TTC21A: variants seen among roughly 807,000 people sequenced by gnomAD.
TTC21A encodes the protein tetratricopeptide repeat protein 21A.
In TTC21A, 128 loss-of-function variants were observed where a neutral mutation model predicts 156.4. That is an observed-to-expected ratio of 0.82 (90% CI 0.71 to 0.95). The LOEUF is 0.95. Among genes scored for constraint, TTC21A ranks in the 40% least tolerant of loss-of-function variants. The probability of loss-of-function intolerance (pLI) is 0.00; values close to 1 mark genes in which losing one functional copy is unlikely to be tolerated. For synonymous variants in TTC21A, 587 were observed against 617.1 expected (o/e 0.95, Z 0.72); for missense variants, 1,435 against 1,602.3 (o/e 0.90, Z 1.78).
intron 12 of TTC21A, 85 bp downstream of exon 12, chr3:39,126,475 T>TACACACACACAC (rs59925253): frequency 6.0e-5 from 31 of 520,470 alleles, no homozygotes; most frequent in African/African-American, 3.4e-4. Flanking sequence ...CCTAGGATAC[T>TACACACACACAC]ACACACACAC....
chr3:39,136,207 C>G (rs901710952), intron 22 of TTC21A, 150 bp from the exon 23 acceptor site: 24 of 704,872 alleles, frequency 3.4e-5, no homozygotes, highest in Non-Finnish European at 5.7e-5. Context: ...TTACTCAACC[C>G]TGGAGACCAG....
At chr3:39,135,607 C>A (rs979485334) in intron 22 of TTC21A, among the ~76,000 whole-genome samples, 1 of 152,198 alleles carries the variant, frequency 6.6e-6, no homozygotes, top group Non-Finnish European at 1.5e-5. Flanking sequence ...GGCAGTGTGC[C>A]CATAGGCCCA....
At position 39,136,649 on chromosome 3, in the gene TTC21A, C is replaced by T; in HGVS notation, c.3095+142C>T. On this transcript the variant is annotated intron_variant, in intron 23 of 28. Coordinates refer to ENST00000683103, the MANE Select transcript of TTC21A (RefSeq NM_001366900.1). ...CCCAGCAAGTGAGGGCCCATGGGGG[C>T]AGGGGTGGAACCCTGTGGAAGTCAG... The T allele has an allele frequency of 4.3e-6, 5 of 1,157,534 alleles. No individual in the cohort carries two copies. The South Asian group carries it at 7.7e-5, about 18-fold the overall frequency. The allele number at this position is 1,157,534 out of a possible 1,614,324, so 71.7% of individuals were successfully genotyped here.
rs1448093977 is a variant in TTC21A, at chr3:39,137,557, T to C, written c.3522T>C (p.Arg1174=). The C allele has an allele frequency of 1.2e-6, 2 of 1,614,076 alleles. No individual in the cohort carries two copies. Among genetic ancestry groups the C allele is most frequent in the East Asian group, 2.2e-5 (1 of 44,892 alleles). ...TCCTGAAGCAGATCCCCAAGGCGCG[T>C]ATGCAGTTGAAGCGCCTGGCCAAGA... The part of the protein sequence containing the change: ...YVFLKQIPKA[R]MQLKRLAKTP... The change falls in exon 26 of 29, where the codon CGT becomes CGC. Residue 1174 remains arginine (R), a synonymous_variant. Coordinates refer to ENST00000683103, the MANE Select transcript of TTC21A (RefSeq NM_001366900.1).
chr3:39,136,581 T>G (rs1044170908), intron 23 of TTC21A, 74 bp downstream of exon 23: 8 of 1,538,366 alleles, frequency 5.2e-6, no homozygotes, highest in African/African-American at 2.8e-5. Flanking sequence ...AGGCCCTTGC[T>G]CTGCACAAAA....
At chr3:39,124,613 C>T (rs1009818913) in intron 9 of TTC21A, among the ~76,000 whole-genome samples, 1 of 136,752 alleles carries the variant, frequency 7.3e-6, no homozygotes, top group Non-Finnish European at 1.5e-5. Flanking sequence ...GAGCCAAGAT[C>T]GTGCCACTTC....
intron 21 of TTC21A, 85 bp from the exon 22 acceptor site, chr3:39,135,008 A>T: frequency 1.7e-6 from 2 of 1,164,472 alleles, no homozygotes; most frequent in South Asian, 2.5e-5. Context: ...TCTTACCACC[A>T]TCACCCCCAT....
In TTC21A at chr3:39,123,201, T is replaced by G. The variant is rs1241037887; in HGVS notation, c.1094-1862T>G. Reference sequence around the variant, plus strand: ...AGTTGCCAAAAATAAAAAATATTATTGTAAGGTAAAAAATTTCATAAATGG... The same window carrying G: ...AGTTGCCAAAAATAAAAAATATTATGGTAAGGTAAAAAATTTCATAAATGG... On this transcript the variant is annotated intron_variant, in intron 9 of 28. Transcript: ENST00000683103. Among the ~76,000 whole-genome samples the G allele has an allele frequency of 2.0e-5, 3 of 152,236 alleles. No homozygotes were observed. The South Asian group carries it at 6.2e-4, about 32-fold the overall frequency.
chr3:39,130,636 A>T lies in TTC21A; in HGVS notation c.2320-65A>T. 1 of 1,590,982 alleles carries T rather than the reference A, an allele frequency of 6.3e-7. No homozygotes were observed. Among genetic ancestry groups the T allele is most frequent in the Admixed American group, 1.7e-5 (1 of 58,640 alleles). Reference sequence around the variant, plus strand: ...CACTGGTGTGATGGCTGCTGAGGGGAACATGGTGTCGGGCACTGAAGGGCA... The same window carrying T: ...CACTGGTGTGATGGCTGCTGAGGGGTACATGGTGTCGGGCACTGAAGGGCA... On this transcript the variant is annotated intron_variant, in intron 17 of 28. Transcript: ENST00000683103. This position sits in a 1 kb window ranked among gnomAD's most constrained non-coding sequence, Gnocchi z 4.5.
chr3:39,119,768 A>G, intron 7 of TTC21A, 154 bp from the exon 8 acceptor site: 2 of 619,972 alleles, frequency 3.2e-6, no homozygotes, highest in South Asian at 4.1e-5. Context: ...GACCACTCCA[A>G]TTCACTTAAA....
chr3:39,138,523 T>C (rs762726561), intron 27 of TTC21A, 33 bp from the exon 28 acceptor site: 2 of 1,614,064 alleles, frequency 1.2e-6, no homozygotes, highest in Admixed American at 3.3e-5. Context: ...GTCACCAGGG[T>C]GCCACCATCT....
At position 39,134,382 on chromosome 3, in the gene TTC21A, C is replaced by T. The variant is rs1225416182; in HGVS notation, c.2862+54C>T. 1 of 1,287,678 alleles carries T rather than the reference C, an allele frequency of 7.8e-7. No homozygotes were observed. The highest frequency in any genetic ancestry group is 1.7e-5 in the Admixed American group (1 of 59,600). The allele number at this position is 1,287,678 out of a possible 1,614,324, so 79.8% of individuals were successfully genotyped here. ...CCCTCCCTTCCTCCCTTCCCAGGGTCCCTGTGACCAGATGCAGGCTACTTC... is the reference window on the plus strand; with the variant it reads ...CCCTCCCTTCCTCCCTTCCCAGGGTTCCTGTGACCAGATGCAGGCTACTTC... On this transcript the variant is annotated intron_variant, in intron 21 of 28. Transcript: ENST00000683103. This position sits in a 1 kb window ranked among gnomAD's most constrained non-coding sequence, Gnocchi z 4.6.
Position 39,128,902 on chromosome 3 carries a change from G to T in TTC21A, c.1866G>T (p.Leu622=). The change falls in exon 14 of 29, where the codon CTG becomes CTT. Residue 622 remains leucine, a synonymous_variant. Coordinates refer to ENST00000683103, the MANE Select transcript of TTC21A (RefSeq NM_001366900.1). ...AGCGGGCATCCATCTTATTGGAACTGGTGGAGGCCCTCCGGCTGAATGGGG... is the reference window on the plus strand; with the variant it reads ...AGCGGGCATCCATCTTATTGGAACTTGTGGAGGCCCTCCGGCTGAATGGGG... ...PSQRASILLE[L]VEALRLNGEL... The T allele has an allele frequency of 6.2e-7, 1 of 1,614,198 alleles. No individual in the cohort carries two copies. The highest frequency in any genetic ancestry group is 8.5e-7 in the Non-Finnish European group (1 of 1,180,030).
At position 39,138,726 on chromosome 3, in the gene TTC21A, C is replaced by T. The variant is rs771839510; in HGVS notation, c.3880C>T (p.Pro1294Ser). ...EICNDVLREHPDYPKIREEIL... is the reference protein window; with the variant it reads ...EICNDVLREHSDYPKIREEIL... ...TCTGTTCCAGGTCCTCAGGGAGCAC[C>T]CCGACTACCCCAAGATCAGGGAGGA... The change falls in exon 29 of 29, where the codon CCC becomes TCC. Residue 1294 changes from proline to serine, a missense_variant. Physicochemically the swap from Pro to Ser is moderately conservative, Grantham distance 74. Coordinates refer to ENST00000683103, the MANE Select transcript of TTC21A (RefSeq NM_001366900.1). The T allele has an allele frequency of 3.1e-6, 5 of 1,614,084 alleles. No individual in the cohort carries two copies. Among genetic ancestry groups the T allele is most frequent in the Non-Finnish European group, 3.4e-6 (4 of 1,180,012 alleles).
chr3:39,137,817 T>C lies in TTC21A; in HGVS notation c.3675+107T>C, dbSNP rs2039249255. ...GGTAGAGGCCATATGGAATAAGAAC[T>C]AGTCGGGAAGAGGCAGGCTGAGAGG... is the stretch of plus-strand genomic sequence containing the variant. On this transcript the variant is annotated intron_variant, in intron 26 of 28. Coordinates refer to ENST00000683103, the MANE Select transcript of TTC21A (RefSeq NM_001366900.1). 2.4e-6 allele frequency: 3 copies of C among 1,235,142 alleles called. No individual in the cohort carries two copies. In the Admixed American group the frequency reaches 6.2e-5, roughly 25 times the overall value. The allele number at this position is 1,235,142 out of a possible 1,614,324, so 76.5% of individuals were successfully genotyped here. A position where few individuals can be genotyped will look rare whatever the true frequency, so the allele number is the denominator to read the frequency against.
chr3:39,134,489 T>TG lies in TTC21A; in HGVS notation c.2862+162dup, dbSNP rs1177940904. On this transcript the variant is annotated intron_variant, in intron 21 of 28. Coordinates refer to ENST00000683103, the MANE Select transcript of TTC21A (RefSeq NM_001366900.1). This position sits in a 1 kb window ranked among gnomAD's most constrained non-coding sequence, Gnocchi z 4.6. ...AGAGGACTCAGTGCTGCACCTACTC[T>TG]GCCCTTTAGCCGGAAGCGGTAGGCT... 2 of 700,786 alleles carry TG rather than the reference T, an allele frequency of 2.9e-6. No individual in the cohort carries two copies. Among genetic ancestry groups the TG allele is most frequent in the Non-Finnish European group, 5.2e-6 (2 of 381,016 alleles). The allele number at this position is 700,786 out of a possible 1,614,324, so 43.4% of individuals were successfully genotyped here.
Position 39,138,806 on chromosome 3 carries a change from G to A in TTC21A, c.*18G>A, listed in dbSNP as rs150454033. 8.1e-6 allele frequency: 13 copies of A among 1,607,576 alleles called. No homozygotes were observed. Among genetic ancestry groups the A allele is most frequent in the Non-Finnish European group, 1.1e-5 (13 of 1,174,578 alleles). ...GGCCCTAGCTGGGGTCAAGGGGCCTGGACCAGTAGAAGCCATCAACCTACT... is the reference window on the plus strand; with the variant it reads ...GGCCCTAGCTGGGGTCAAGGGGCCTAGACCAGTAGAAGCCATCAACCTACT... On this transcript the variant is annotated 3_prime_UTR_variant, in exon 29 of 29. Transcript: ENST00000683103.
chr3:39,135,334 A>C (rs2039034389), intron 22 of TTC21A, among the ~76,000 whole-genome samples, 160 bp downstream of exon 22: 1 of 152,166 alleles, frequency 6.6e-6, no homozygotes, highest in Non-Finnish European at 1.5e-5. Flanking sequence ...GACCCAGTGG[A>C]ACGTGCCGGC....
At chr3:39,109,595 C>A (rs535965042) in intron 2 of TTC21A, among the ~76,000 whole-genome samples, 10 of 152,210 alleles carry the variant, frequency 6.6e-5, no homozygotes, top group African/African-American at 2.2e-4. Context: ...AGGAGTGAGA[C>A]CCATGCAGGT....
Sources: gnomAD v4.1 joint callset for allele counts (sites outside exome capture counted in the v4.1 genomes callset) on GRCh38, gnomAD v4.1.1 for gene constraint, Gnocchi (gnomAD v3.1) non-coding constraint, MANE v1.5 for transcripts, NCBI Gene and HGNC (gene_info 2026-07-23, HGNC 2026-07-21) for gene names.